Variants in SDK1 observed in about 807,000 individuals in gnomAD.
SDK1 encodes protein sidekick-1.
A neutral mutation model predicts 245.5 loss-of-function variants in SDK1; 157 were observed. That is an observed-to-expected ratio of 0.64 (90% confidence interval 0.56 to 0.73). The LOEUF (loss-of-function observed/expected upper bound fraction) is 0.73. SDK1 is among the 30% of genes least tolerant of loss of function. The pLI is 0.00. For missense variants in SDK1, 3,583 were observed against 3,002.3 expected (o/e 1.19, Z -4.52); for synonymous variants, 1,647 against 1,278.5 (o/e 1.29, Z -6.15).
intron 12 of SDK1, among the ~76,000 whole-genome samples, chr7:3,972,319 T>C (rs1189831883): frequency 6.6e-6 from 1 of 152,144 alleles, no homozygotes; most frequent in Non-Finnish European, 1.5e-5. Context: ...GACCTCGTGA[T>C]CCACCTGTCT....
intron 1 of SDK1, among the ~76,000 whole-genome samples, chr7:3,413,189 C>A (rs1014058937): frequency 6.6e-6 from 1 of 152,086 alleles, no homozygotes; most frequent in Admixed American, 6.5e-5. Context: ...GTAGCAGGAA[C>A]AACAACTGCG....
chr7:3,319,232 A>G (rs1779734841), intron 1 of SDK1, among the ~76,000 whole-genome samples: 1 of 152,198 alleles, frequency 6.6e-6, no homozygotes, highest in Admixed American at 6.5e-5. Context: ...GCTTCAGAGT[A>G]CAAGCAGTTT....
intron 1 of SDK1, among the ~76,000 whole-genome samples, chr7:3,587,130 A>G (rs1780716008): frequency 6.6e-6 from 1 of 152,212 alleles, no homozygotes. Context: ...AACAATGGCT[A>G]AGTCCTAACA....
At chr7:3,731,375 G>A (rs982470198) in intron 4 of SDK1, among the ~76,000 whole-genome samples, 3 of 152,146 alleles carry the variant, frequency 2.0e-5, no homozygotes, top group Non-Finnish European at 2.9e-5. Flanking sequence ...ACCGTGCCCC[G>A]AGTCAGCGTG....
At chr7:3,847,208 C>A (rs540790417) in intron 5 of SDK1, among the ~76,000 whole-genome samples, 1 of 152,202 alleles carries the variant, frequency 6.6e-6, no homozygotes, top group East Asian at 1.9e-4. Context: ...ACATGTGTGC[C>A]CTGCTGTCTA....
chr7:3,722,683 C>T (rs1221795140), intron 4 of SDK1, among the ~76,000 whole-genome samples: 2 of 152,196 alleles, frequency 1.3e-5, no homozygotes, highest in African/African-American at 2.4e-5. Flanking sequence ...CCACATGGTG[C>T]CCAGACAGCT....
At chr7:3,807,266 A>G (rs1313319859) in intron 4 of SDK1, among the ~76,000 whole-genome samples, 1 of 152,184 alleles carries the variant, frequency 6.6e-6, no homozygotes, top group Non-Finnish European at 1.5e-5. Flanking sequence ...GAACAGTCCC[A>G]AAGAAGGCCA....
At chr7:4,180,560 A>G (rs1437940613) in intron 35 of SDK1, among the ~76,000 whole-genome samples, 1 of 152,208 alleles carries the variant, frequency 6.6e-6, no homozygotes, top group Non-Finnish European at 1.5e-5. Flanking sequence ...GCCCAGCTCC[A>G]GTTCTAGGGT....
At chr7:4,255,870 A>G (rs1041575526) in intron 44 of SDK1, among the ~76,000 whole-genome samples, 7 of 148,862 alleles carry the variant, frequency 4.7e-5, no homozygotes, top group East Asian at 2.0e-4. Context: ...GTATCAATCT[A>G]TCTTTCTCCA....
At chr7:3,407,976 A>G (rs776443819) in intron 1 of SDK1, among the ~76,000 whole-genome samples, 16 of 152,170 alleles carry the variant, frequency 1.1e-4, no homozygotes, top group Non-Finnish European at 2.2e-4. Context: ...GCAGAGAGAG[A>G]GAGAACCTAA....
At chr7:4,142,180 G>T (rs142882714) in intron 28 of SDK1, among the ~76,000 whole-genome samples, 1 of 152,180 alleles carries the variant, frequency 6.6e-6, no homozygotes, top group Non-Finnish European at 1.5e-5. Flanking sequence ...ACATACATGA[G>T]TCTGTTTTTA....
chr7:3,683,633 T>G (rs761503519), intron 4 of SDK1, among the ~76,000 whole-genome samples: 10 of 152,320 alleles, frequency 6.6e-5, no homozygotes, highest in Admixed American at 1.3e-4. Context: ...TAACATTCCC[T>G]GCGCCTAACA....
At chr7:3,750,027 G>A (rs1433206603) in intron 4 of SDK1, among the ~76,000 whole-genome samples, 4 of 152,172 alleles carry the variant, frequency 2.6e-5, no homozygotes, top group East Asian at 1.9e-4. Context: ...TGGTTAAAAC[G>A]TGTGTGTTAG....
chr7:3,558,376 G>T (rs1457298398), intron 1 of SDK1, among the ~76,000 whole-genome samples: 1 of 152,226 alleles, frequency 6.6e-6, no homozygotes, highest in Non-Finnish European at 1.5e-5. Context: ...GCCTGCAGTG[G>T]AATCATTGGT....
chr7:3,622,569 A>C (rs6969256), intron 2 of SDK1, among the ~76,000 whole-genome samples: 99,428 of 152,104 alleles, frequency 0.65, 32,898 homozygotes, highest in South Asian at 0.78. Flanking sequence ...ACCTTTCAGA[A>C]TTATAAGACA....
intron 1 of SDK1, among the ~76,000 whole-genome samples, chr7:3,507,219 G>A (rs1379410651): frequency 6.6e-6 from 1 of 152,156 alleles, no homozygotes; most frequent in Non-Finnish European, 1.5e-5. Context: ...GTTCTCTCTA[G>A]TAGTTGTCGT....
intron 2 of SDK1, among the ~76,000 whole-genome samples, chr7:3,621,792 G>C (rs189651355): frequency 6.6e-6 from 1 of 152,196 alleles, no homozygotes; most frequent in Non-Finnish European, 1.5e-5. Context: ...CACTATTAAA[G>C]AATTCTTTTG....
intron 1 of SDK1, among the ~76,000 whole-genome samples, chr7:3,397,487 C>T (rs376631440): frequency 3.0e-4 from 45 of 151,636 alleles, no homozygotes; most frequent in South Asian, 1.0e-3. Context: ...CTTTCCCCCC[C>T]CCAGCGCTTT....
At position 4,152,874 on chromosome 7, in the gene SDK1, C is replaced by T. The variant is rs1343920593; in HGVS notation, c.4625+3411C>T. ...GTCCAGGGAATATGGGTCGAGACCC[C>T]CAGGGAGAGGGGTTGGGTCTGAGAC... On this transcript the variant is annotated intron_variant, in intron 30 of 44. Coordinates refer to ENST00000404826, the MANE Select transcript of SDK1 (RefSeq NM_152744.4). Among the ~76,000 whole-genome samples, 5 of 152,120 alleles carry T rather than the reference C, an allele frequency of 3.3e-5. No homozygotes were observed. In the East Asian group the frequency reaches 9.6e-4, roughly 29 times the overall value.
Sources: gnomAD v4.1 joint callset for allele counts (sites outside exome capture counted in the v4.1 genomes callset) on GRCh38, gnomAD v4.1.1 for gene constraint, MANE v1.5 for transcripts, NCBI Gene and HGNC (gene_info 2026-07-23, HGNC 2026-07-21) for gene names.